Variants in RIF1 observed in about 807,000 individuals in gnomAD.
The protein encoded by RIF1 is telomere-associated protein RIF1.
A neutral mutation model predicts 247.1 loss-of-function variants in RIF1; 45 were observed. The observed-to-expected ratio is 0.18, with a 90% CI of 0.14 to 0.23. The LOEUF (loss-of-function observed/expected upper bound fraction) is 0.23, where lower values mean the gene tolerates loss of function less well. Among genes scored for constraint, RIF1 ranks in the 10% least tolerant of loss-of-function variants. The probability of loss-of-function intolerance (pLI) is 1.00; values close to 1 mark genes in which losing one functional copy is unlikely to be tolerated. For missense variants in RIF1, 2,967 were observed against 2,862.5 expected (o/e 1.04, Z -0.83); for synonymous variants, 1,087 against 978.8 (o/e 1.11, Z -2.06).
downstream of RIF1, among the ~76,000 whole-genome samples, chr2:151,511,312 C>T (rs764889912): frequency 5.3e-5 from 8 of 152,150 alleles, no homozygotes; most frequent in Non-Finnish European, 1.2e-4. Flanking sequence ...ACATTTCCAC[C>T]ATTTGAATAT....
rs551649582 is a variant in RIF1, at chr2:151,493,361, T to C, written c.*416-1868T>C. The C allele has an allele frequency of 8.9e-5, 144 of 1,609,910 alleles. No homozygotes were observed. The East Asian group carries it at 3.0e-3, about 34-fold the overall frequency. ...TTAGTCCTAGAAAATACCGAGCTAA[T>C]GTTTTCTTGGTTGCGCTTAGCTCTC... On this transcript the variant is annotated intron_variant and NMD_transcript_variant, in intron 9 of 13. Coordinates refer to the RIF1 transcript ENST00000454583.
In RIF1 at chr2:151,476,512, A is replaced by C. The variant is rs185390223; in HGVS notation, c.*1441A>C. ...TTAGCAAGGCACACATTCTACAGCA[A>C]GTCATAGAAAGTTTAATCCTTGTGC... On this transcript the variant is annotated 3_prime_UTR_variant, in exon 36 of 36. Coordinates refer to ENST00000444746, the MANE Select transcript of RIF1 (RefSeq NM_018151.5). 4.6e-5 allele frequency: 7 copies of C among 152,288 alleles called. No homozygotes were observed. Among genetic ancestry groups the C allele is most frequent in the African/African-American group, 1.7e-4 (7 of 41,566 alleles). 9.4% of individuals were successfully genotyped at this position (152,288 alleles called of 1,614,324 possible).
chr2:151,508,709 CCAAA>C (rs1276250056), downstream of RIF1, among the ~76,000 whole-genome samples: 1 of 152,196 alleles, frequency 6.6e-6, no homozygotes, highest in East Asian at 1.9e-4. Context: ...GGCAGCTCTA[CCAAA>C]CAGACACACC....
intron 11 of RIF1, chr2:151,501,547 T>C: frequency 2.3e-6 from 2 of 877,612 alleles, no homozygotes; most frequent in Non-Finnish European, 3.2e-6. Context: ...AGACTTAACC[T>C]AAAAAAACAG....
the RIF1 span, among the ~76,000 whole-genome samples, chr2:151,520,413 A>G: frequency 6.6e-6 from 1 of 152,230 alleles, no homozygotes; most frequent in African/African-American, 2.4e-5. Flanking sequence ...AAGATTAAAT[A>G]TACTTTTAGT....
chr2:151,496,765 T>C (rs1398820308), intron 10 of RIF1, among the ~76,000 whole-genome samples: 1 of 151,958 alleles, frequency 6.6e-6, no homozygotes, highest in Admixed American at 6.6e-5. Flanking sequence ...CAAAATTAAC[T>C]GTATTATGGA....
intron 6 of RIF1, 130 bp downstream of exon 6, chr2:151,417,031 G>T: frequency 1.5e-6 from 1 of 648,546 alleles, no homozygotes; most frequent in Non-Finnish European, 2.6e-6. Context: ...AACGACTCAA[G>T]GACAAAAAGT....
In RIF1 at chr2:151,465,221, G is replaced by A; in HGVS notation, c.5701G>A (p.Gly1901Arg). 6.2e-7 allele frequency: 1 copy of A among 1,610,840 alleles called. No individual in the cohort carries two copies. The highest frequency in any genetic ancestry group is 8.5e-7 in the Non-Finnish European group (1 of 1,179,352). ...ELSLENVTVE[G>R]NACKVTESNL... is the part of the protein sequence containing the mutation. ...GAGTCTAGAGAATGTTACTGTTGAA[G>A]GAAATGCATGTAAAGTAACAGAATC... The change falls in exon 30 of 36, where the codon GGA (glycine) becomes AGA (arginine). Residue 1901 changes from glycine (G) to arginine (R), a missense_variant. Gly to Arg is a moderately radical substitution (Grantham distance 125). This residue lies in a region of RIF1 where 2,028 missense variants were observed against 1,825.6 expected (regional missense o/e 1.11). Coordinates refer to ENST00000444746, the MANE Select transcript of RIF1 (RefSeq NM_018151.5).
intron 4 of RIF1, 78 bp from the exon 5 acceptor site, chr2:151,416,483 T>G: frequency 7.9e-7 from 1 of 1,270,748 alleles, no homozygotes; most frequent in Non-Finnish European, 1.1e-6. Flanking sequence ...ATGAGTATAT[T>G]GTTTTCTCTA....
At position 151,469,726 on chromosome 2, in the gene RIF1, A is replaced by C. The variant is rs776361312; in HGVS notation, c.6957A>C (p.Gly2319=). The C allele has an allele frequency of 3.1e-6, 5 of 1,588,106 alleles. No homozygotes were observed. The highest frequency in any genetic ancestry group is 4.3e-6 in the Non-Finnish European group (5 of 1,169,060). ...TTTTGTTTAGGGCAAGAGGCCTGGG[A>C]CAACTCATTAGAGCTAAGAATATAA... is the stretch of plus-strand genomic sequence containing the variant. ...ITSNMWARGL[G]QLIRAKNIKT... Residue 2319 remains glycine (G), a synonymous_variant, in exon 34 of 36, where the codon GGA becomes GGC. Coordinates refer to ENST00000444746, the MANE Select transcript of RIF1 (RefSeq NM_018151.5).
In RIF1 at chr2:151,457,921, C is replaced by G. The variant is rs768107797; in HGVS notation, c.2813C>G (p.Thr938Ser). Reference sequence around the variant, plus strand: ...CAGAGTGCTCAGTTCTGGAATGCCACTTTTGCCAAAGTGATGATGTTGGTT... The same window carrying G: ...CAGAGTGCTCAGTTCTGGAATGCCAGTTTTGCCAAAGTGATGATGTTGGTT... ...RKQSAQFWNA[T>S]FAKVMMLVYP... The change falls in exon 24 of 36, where the codon ACT (threonine) becomes AGT (serine). Residue 938 changes from threonine (T) to serine (S), a missense_variant. By Grantham distance (58) the Thr-to-Ser change is moderately conservative (BLOSUM62 1). Transcript: ENST00000444746. The G allele has an allele frequency of 1.9e-6, 3 of 1,613,856 alleles. No homozygotes were observed. The highest frequency in any genetic ancestry group is 1.7e-6 in the Non-Finnish European group (2 of 1,179,898).
chr2:151,532,686 TATTG>T, the RIF1 span, among the ~76,000 whole-genome samples: 1 of 151,828 alleles, frequency 6.6e-6, no homozygotes, highest in East Asian at 1.9e-4. Context: ...TCATTTCACA[TATTG>T]ATTTCATGGT....
chr2:151,516,671 C>G, the RIF1 span: 1 of 746,874 alleles, frequency 1.3e-6, no homozygotes, highest in South Asian at 1.6e-5. Context: ...GATGGCATCT[C>G]ATTGCCACTC....
chr2:151,479,009 C>CA lies in RIF1; in HGVS notation c.*3941dup, dbSNP rs1299300203. The CA allele has an allele frequency of 2.0e-5, 3 of 152,200 alleles. No individual in the cohort carries two copies. Among genetic ancestry groups the CA allele is most frequent in the African/African-American group, 7.2e-5 (3 of 41,436 alleles). 9.4% of individuals were successfully genotyped at this position (152,200 alleles called of 1,614,324 possible). A position where few individuals can be genotyped will look rare whatever the true frequency, so the allele number is the denominator to read the frequency against. ...GTTTTGATTTTTAACATAGTACTCT[C>CA]AAACTTTGATGTGCATATGAACAAG... is the stretch of plus-strand genomic sequence containing the variant. On this transcript the variant is annotated 3_prime_UTR_variant, in exon 36 of 36. Coordinates refer to ENST00000444746, the MANE Select transcript of RIF1 (RefSeq NM_018151.5).
At chr2:151,531,938 A>C in the RIF1 span, 1 of 1,333,370 alleles carries the variant, frequency 7.5e-7, no homozygotes, top group South Asian at 1.2e-5. Context: ...GAAGTTGTAG[A>C]GTGGGCTTTA....
intron 23 of RIF1, among the ~76,000 whole-genome samples, chr2:151,456,881 T>C (rs192520818): frequency 6.6e-6 from 1 of 151,874 alleles, no homozygotes; most frequent in Admixed American, 6.6e-5. Flanking sequence ...TACAGGCACA[T>C]GCTACCACAC....
At chr2:151,467,212 A>G (rs1327281524) in intron 30 of RIF1, among the ~76,000 whole-genome samples, 4 of 152,080 alleles carry the variant, frequency 2.6e-5, no homozygotes, top group African/African-American at 9.7e-5. Context: ...CTGGCGACAG[A>G]GCGAGACTCT....
chr2:151,469,230 G>A (rs1460502754), intron 33 of RIF1, among the ~76,000 whole-genome samples: 1 of 152,062 alleles, frequency 6.6e-6, no homozygotes, highest in Non-Finnish European at 1.5e-5. Flanking sequence ...CATGTAGATC[G>A]TTCACTATAT....
At chr2:151,410,258 G>T (rs1317054913) in intron 1 of RIF1, 156 bp from the exon 2 acceptor site, 2 of 650,770 alleles carry the variant, frequency 3.1e-6, no homozygotes, top group East Asian at 2.7e-5. Context: ...GGAGGTTCGC[G>T]CTGGGGTTTG....
Sources: gnomAD v4.1 joint callset for allele counts (sites outside exome capture counted in the v4.1 genomes callset) on GRCh38, gnomAD v4.1.1 for gene constraint, gnomAD v4.1.1 regional missense constraint, MANE v1.5 for transcripts, NCBI Gene and HGNC (gene_info 2026-07-23, HGNC 2026-07-21) for gene names.